MYO9A: variants seen among roughly 807,000 people sequenced by gnomAD.
MYO9A encodes unconventional myosin-IXa.
MYO9A carries 103 observed loss-of-function variants against 293.3 expected under a neutral mutation model. That is an observed-to-expected ratio of 0.35 (90% CI 0.30 to 0.41). The LOEUF is 0.41. MYO9A is among the 10% of genes least tolerant of loss of function. MYO9A has a pLI of 1.00. For synonymous variants in MYO9A, 1,001 were observed against 1,035.7 expected, an observed-to-expected ratio of 0.97 and a Z score of 0.64; for missense variants, 2,685 against 3,033.0, an observed-to-expected ratio of 0.89 and a Z score of 2.69.
chr15:71,846,210 G>A (rs931789725), intron 39 of MYO9A, among the ~76,000 whole-genome samples: 3 of 152,180 alleles, frequency 2.0e-5, no homozygotes, highest in African/African-American at 7.2e-5. Flanking sequence ...GTAAACTGGA[G>A]CTACTACTTA....
intron 27 of MYO9A, among the ~76,000 whole-genome samples, chr15:71,884,245 G>A (rs2142727722): frequency 6.6e-6 from 1 of 152,170 alleles, no homozygotes; most frequent in East Asian, 1.9e-4. Flanking sequence ...CCATAAGTAT[G>A]GCAAGTTTTA....
At chr15:71,912,120 G>A (rs1216774994) in intron 19 of MYO9A, among the ~76,000 whole-genome samples, 3 of 152,034 alleles carry the variant, frequency 2.0e-5, no homozygotes, top group Non-Finnish European at 2.9e-5. Context: ...TCTGTATAGT[G>A]TAAAAGCTTA....
intron 9 of MYO9A, among the ~76,000 whole-genome samples, chr15:71,996,741 G>A (rs1386971117): frequency 6.6e-6 from 1 of 151,828 alleles, no homozygotes; most frequent in Non-Finnish European, 1.5e-5. Flanking sequence ...TCACCATTCT[G>A]CAAAGCAAAT....
chr15:72,002,334 G>A (rs569187477), intron 8 of MYO9A, among the ~76,000 whole-genome samples: 2 of 149,382 alleles, frequency 1.3e-5, no homozygotes, highest in South Asian at 2.1e-4. Context: ...CGCAACCTCC[G>A]CCTCCCAGGT....
chr15:72,003,575 G>A (rs1038583058), intron 8 of MYO9A, among the ~76,000 whole-genome samples: 1 of 151,568 alleles, frequency 6.6e-6, no homozygotes, highest in Non-Finnish European at 1.5e-5. Flanking sequence ...ATGGTGGCAG[G>A]CGCCTGTAGT....
chr15:71,925,315 GTATA>G, intron 18 of MYO9A, among the ~76,000 whole-genome samples: 1 of 22,876 alleles, frequency 4.4e-5, no homozygotes, highest in East Asian at 5.3e-4. Context: ...ACGTATATAC[GTATA>G]TGTACATATA....
chr15:71,882,979 A>G (rs1330511093), intron 28 of MYO9A, among the ~76,000 whole-genome samples: 2 of 151,816 alleles, frequency 1.3e-5, no homozygotes, highest in Middle Eastern at 6.8e-3. Context: ...TAATTTTTAT[A>G]TTTTTTGTAG....
intron 39 of MYO9A, among the ~76,000 whole-genome samples, chr15:71,838,591 A>G (rs1241359004): frequency 1.3e-5 from 2 of 152,194 alleles, no homozygotes; most frequent in African/African-American, 4.8e-5. Context: ...AATATCAAAT[A>G]CAATTATCTT....
chr15:71,865,339 G>C (rs1477260223), intron 32 of MYO9A, among the ~76,000 whole-genome samples: 1 of 152,092 alleles, frequency 6.6e-6, no homozygotes, highest in Non-Finnish European at 1.5e-5. Context: ...GAAACATGCT[G>C]CCACAAAAAC....
intron 1 of MYO9A, among the ~76,000 whole-genome samples, chr15:72,084,757 A>C (rs116188714): frequency 0.013 from 2,041 of 152,110 alleles, 46 homozygotes; most frequent in African/African-American, 0.047. Context: ...CTTGGTTGGA[A>C]TTTTTCTTTA....
chr15:72,085,328 T>G (rs1874409779), intron 1 of MYO9A, among the ~76,000 whole-genome samples: 1 of 151,052 alleles, frequency 6.6e-6, no homozygotes, highest in Non-Finnish European at 1.5e-5. Flanking sequence ...AGGAGGCAAA[T>G]GTTGCAGTGA....
At chr15:72,077,947 G>A (rs1393984348) in intron 1 of MYO9A, among the ~76,000 whole-genome samples, 1 of 151,602 alleles carries the variant, frequency 6.6e-6, no homozygotes, top group Non-Finnish European at 1.5e-5. Context: ...TATTTGTTAG[G>A]GAACTGAAAA....
intron 39 of MYO9A, among the ~76,000 whole-genome samples, chr15:71,843,135 A>G (rs1309973733): frequency 6.6e-6 from 1 of 151,976 alleles, no homozygotes; most frequent in Non-Finnish European, 1.5e-5. Flanking sequence ...TTCTTTTTAA[A>G]TTAGTCTGTT....
chr15:71,866,760 TA>T (rs1289738617), intron 32 of MYO9A, among the ~76,000 whole-genome samples: 1 of 151,846 alleles, frequency 6.6e-6, no homozygotes, highest in Non-Finnish European at 1.5e-5. Context: ...TGAAACAAGA[TA>T]AAAAAGATCA....
intron 15 of MYO9A, chr15:71,950,376 G>A (rs1024673189): frequency 6.6e-6 from 1 of 152,124 alleles, no homozygotes; most frequent in Non-Finnish European, 1.5e-5. Flanking sequence ...ATACAATCAG[G>A]TCTGGGGTTG....
At chr15:72,105,983 G>A (rs2080553882) in intron 1 of MYO9A, among the ~76,000 whole-genome samples, 1 of 152,114 alleles carries the variant, frequency 6.6e-6, no homozygotes, top group South Asian at 2.1e-4. Context: ...ATACCAATAC[G>A]AAGTCCTCTC....
chr15:71,926,470 A>G (rs1016452473), intron 18 of MYO9A, among the ~76,000 whole-genome samples: 7 of 152,114 alleles, frequency 4.6e-5, no homozygotes, highest in Admixed American at 4.6e-4. Context: ...GCACTTTGGG[A>G]GGCCGAGGCA....
intron 12 of MYO9A, 130 bp downstream of exon 12, chr15:71,978,041 A>G (rs1373223114): frequency 9.1e-7 from 1 of 1,098,722 alleles, no homozygotes; most frequent in Non-Finnish European, 1.3e-6. Context: ...CGTCTCAAAA[A>G]TAAATAAAAA....
At chr15:71,911,565 T>C (rs764958413) in intron 19 of MYO9A, among the ~76,000 whole-genome samples, 5 of 152,174 alleles carry the variant, frequency 3.3e-5, no homozygotes, top group Non-Finnish European at 7.4e-5. Flanking sequence ...GCTTTACCAG[T>C]AAGTTTTAGT....
Sources: gnomAD v4.1 joint callset for allele counts (sites outside exome capture counted in the v4.1 genomes callset) on GRCh38, gnomAD v4.1.1 for gene constraint, MANE v1.5 for transcripts, NCBI Gene and HGNC (gene_info 2026-07-23, HGNC 2026-07-21) for gene names.